Variants in LMO3 observed in about 807,000 individuals in gnomAD.
LMO3 encodes the protein LIM domain only 3.
LMO3 carries 2 observed loss-of-function variants against 15.8 expected under a neutral mutation model. The ratio of observed to expected loss-of-function variants is 0.13; its 90% CI spans 0.05 to 0.40. The LOEUF (loss-of-function observed/expected upper bound fraction) is 0.40, where lower values mean the gene tolerates loss of function less well. Ranked by LOEUF, LMO3 falls within the 10% of genes least tolerant of loss-of-function variation. LMO3 has a pLI of 0.99. For missense variants in LMO3, 86 were observed against 182.2 expected (o/e 0.47, Z 3.04); for synonymous variants, 62 against 63.8 (o/e 0.97, Z 0.13).
intron 3 of LMO3, among the ~76,000 whole-genome samples, chr12:16,552,594 TA>T: frequency 6.6e-6 from 1 of 152,132 alleles, no homozygotes; most frequent in South Asian, 2.1e-4. Flanking sequence ...AATAGTGTAA[TA>T]AAAAAAGTAG....
chr12:16,551,352 T>C (rs1565477658), intron 3 of LMO3, 25 bp from the exon 4 acceptor site: 11 of 1,356,770 alleles, frequency 8.1e-6, no homozygotes, highest in Non-Finnish European at 1.2e-5. Flanking sequence ...AACAATAAAA[T>C]GTGGTTAAGA....
intron 2 of LMO3, among the ~76,000 whole-genome samples, chr12:16,567,100 C>T (rs907995618): frequency 6.6e-6 from 1 of 151,956 alleles, no homozygotes; most frequent in Non-Finnish European, 1.5e-5. Flanking sequence ...GGAGGCTGAG[C>T]CAGGAGAATC....
intron 1 of LMO3, among the ~76,000 whole-genome samples, chr12:16,601,120 C>A (rs972114049): frequency 1.3e-5 from 2 of 152,080 alleles, no homozygotes; most frequent in Non-Finnish European, 2.9e-5. Flanking sequence ...GGTAAATTGA[C>A]ATTATAAATA....
rs560043721 is a variant in LMO3 at position 16,569,216 on chromosome 12, T to A, written c.207-8678A>T. Among the ~76,000 whole-genome samples the A allele has an allele frequency of 2.1e-4, 32 of 152,332 alleles. No homozygotes were observed. The East Asian group carries it at 4.6e-3, about 22-fold the overall frequency. ...TATCCCATGTCTACACACAAAACCTTACACAATTATTTAGTGTCAGAGCTA... is the reference window on the plus strand; with the variant it reads ...TATCCCATGTCTACACACAAAACCTAACACAATTATTTAGTGTCAGAGCTA... On this transcript the variant is annotated intron_variant, in intron 2 of 3. Transcript: ENST00000537304.
At chr12:16,566,917 C>A (rs151179348) in intron 2 of LMO3, among the ~76,000 whole-genome samples, 280 of 152,290 alleles carry the variant, frequency 1.8e-3, no homozygotes, top group African/African-American at 6.6e-3. Flanking sequence ...CAGTAAAAAA[C>A]TACCAAAAGC....
rs1368553690 is a variant in LMO3 at position 16,550,626 on chromosome 12, C to T, written c.*596G>A. ...TAACAAGAACACTGATAGACTCTAA[C>T]TCATAGCGGCAATAAGTAGTGGATG... On this transcript the variant is annotated 3_prime_UTR_variant, in exon 4 of 4. Coordinates refer to ENST00000537304, the MANE Select transcript of LMO3 (RefSeq NM_018640.5). 6.6e-6 allele frequency: 1 copy of T among 152,282 alleles called. No homozygotes were observed. The highest frequency in any genetic ancestry group is 1.5e-5 in the Non-Finnish European group (1 of 67,890). 9.4% of individuals were successfully genotyped at this position (152,282 alleles called of 1,614,324 possible).
At chr12:16,595,634 G>A (rs1943626542) in intron 2 of LMO3, among the ~76,000 whole-genome samples, 1 of 151,394 alleles carries the variant, frequency 6.6e-6, no homozygotes, top group Non-Finnish European at 1.5e-5. Context: ...TTTTTATAAA[G>A]CTGCAAATAA....
Position 16,585,946 on chromosome 12 carries a change from C to T in LMO3, c.206+14709G>A, listed in dbSNP as rs1032255102. Among the ~76,000 whole-genome samples, 1 of 152,112 alleles carries T rather than the reference C, an allele frequency of 6.6e-6. No individual in the cohort carries two copies. Among genetic ancestry groups the T allele is most frequent in the Admixed American group, 6.6e-5 (1 of 15,254 alleles). On this transcript the variant is annotated intron_variant, in intron 2 of 3. Coordinates refer to ENST00000537304, the MANE Select transcript of LMO3 (RefSeq NM_018640.5). This position sits in a 1 kb window ranked among gnomAD's most constrained non-coding sequence, Gnocchi z 4.7. ...ATCCTAAGATCTGGGCGACATTTCA[C>T]CAGTGAGGCGGTAGGACATTGTGTG...
At chr12:16,565,310 G>A (rs1942561611) in intron 2 of LMO3, among the ~76,000 whole-genome samples, 2 of 152,168 alleles carry the variant, frequency 1.3e-5, no homozygotes, top group African/African-American at 4.8e-5. Context: ...CAGATTGAAG[G>A]ACAATTGCTT....
At position 16,598,158 on chromosome 12, in the gene LMO3, C is replaced by G. The variant is rs1342593060; in HGVS notation, c.206+2497G>C. The G allele has an allele frequency of 1.3e-5, 2 of 151,878 alleles. No homozygotes were observed. The highest frequency in any genetic ancestry group is 1.3e-4 in the Admixed American group (2 of 15,230). The allele number at this position is 151,878 out of a possible 1,614,324, so 9.4% of individuals were successfully genotyped here. A position where few individuals can be genotyped will look rare whatever the true frequency, so the allele number is the denominator to read the frequency against. ...ACTATTTTAATTTGCCAATCAGAGA[C>G]ATATGCAGTTGAACATCTACACAAT... is the stretch of plus-strand genomic sequence containing the variant. On this transcript the variant is annotated intron_variant, in intron 2 of 3. Coordinates refer to ENST00000537304, the MANE Select transcript of LMO3 (RefSeq NM_018640.5). The surrounding 1 kb of genome is among the most constrained non-coding windows in gnomAD (Gnocchi z 4.3).
At position 16,587,165 on chromosome 12, in the gene LMO3, C is replaced by G. The variant is rs1591815027; in HGVS notation, c.206+13490G>C. Among the ~76,000 whole-genome samples, 2 of 152,156 alleles carry G rather than the reference C, an allele frequency of 1.3e-5. No individual in the cohort carries two copies. The highest frequency in any genetic ancestry group is 2.4e-5 in the African/African-American group (1 of 41,524). On this transcript the variant is annotated intron_variant, in intron 2 of 3. Coordinates refer to ENST00000537304, the MANE Select transcript of LMO3 (RefSeq NM_018640.5). The surrounding 1 kb of genome is among the most constrained non-coding windows in gnomAD (Gnocchi z 4.3). ...TATAGCAATTGTGGGTGCTGCTGAC[C>G]TGTCAATCTCAAATATATTCATAAG...
At chr12:16,571,041 A>C (rs1273718843) in intron 2 of LMO3, among the ~76,000 whole-genome samples, 1 of 152,132 alleles carries the variant, frequency 6.6e-6, no homozygotes, top group Non-Finnish European at 1.5e-5. Flanking sequence ...AATAATAATA[A>C]ATTTTAAAAA....
Position 16,584,392 on chromosome 12 carries a change from A to T in LMO3, c.206+16263T>A, listed in dbSNP as rs1427016260. ...GTAAGGCAACAGATGAAATTCAGTT[A>T]AAACAATATTTTGATGGGAAAGGCA... is the stretch of plus-strand genomic sequence containing the variant. On this transcript the variant is annotated intron_variant, in intron 2 of 3. Transcript: ENST00000537304. The surrounding 1 kb of genome is among the most constrained non-coding windows in gnomAD (Gnocchi z 5.2). 6.6e-6 allele frequency among the ~76,000 whole-genome samples: 1 copy of T among 152,212 alleles called. No individual in the cohort carries two copies. Among genetic ancestry groups the T allele is most frequent in the Non-Finnish European group, 1.5e-5 (1 of 68,044 alleles).
At position 16,551,231 on chromosome 12, in the gene LMO3, C is replaced by T; in HGVS notation, c.429G>A (p.Gln143=). 1 of 1,600,122 alleles carries T rather than the reference C, an allele frequency of 6.2e-7. No homozygotes were observed. Among genetic ancestry groups the T allele is most frequent in the Non-Finnish European group, 8.6e-7 (1 of 1,167,406 alleles). Residue 143 remains glutamine (Q), a synonymous_variant, in exon 4 of 4, where the codon CAG becomes CAA. Transcript: ENST00000537304. The part of the protein sequence containing the change: ...EGLMKEGYAP[Q]VR ...GGGTGATGTTGATAGATCAGCGAAC[C>T]TGGGGTGCATAACCTTCTTTCATTA...
intron 2 of LMO3, among the ~76,000 whole-genome samples, chr12:16,562,970 G>A (rs1057449675): frequency 6.6e-6 from 1 of 152,134 alleles, no homozygotes; most frequent in Non-Finnish European, 1.5e-5. Context: ...ATCATTAAAG[G>A]ACTCTTGAAG....
intron 1 of LMO3, chr12:16,605,429 C>G (rs1328859896): frequency 2.4e-5 from 21 of 874,674 alleles, no homozygotes; most frequent in Non-Finnish European, 2.8e-5. Context: ...TCTGCCCCTA[C>G]CCGCCTGCCC....
At chr12:16,573,494 T>C (rs1942890881) in intron 2 of LMO3, 1 of 152,158 alleles carries the variant, frequency 6.6e-6, no homozygotes, top group South Asian at 2.1e-4. Flanking sequence ...CTACTAGTTA[T>C]CTCTTTTTAC....
At chr12:16,609,666 A>C (rs2137765305), upstream of LMO3, 1 of 152,160 alleles carries the variant, frequency 6.6e-6, no homozygotes, top group South Asian at 2.1e-4. Context: ...TGAGGGGAAA[A>C]GGGGAGGGGA....
chr12:16,594,093 T>C (rs1286687302), intron 2 of LMO3: 1 of 1,521,484 alleles, frequency 6.6e-7, no homozygotes, highest in Admixed American at 2.0e-5. Flanking sequence ...ATTAACGAAT[T>C]AGCTGGCGTC....
Sources: allele counts gnomAD v4.1 joint callset (sites outside exome capture counted in the v4.1 genomes callset), GRCh38; gene constraint gnomAD v4.1.1; non-coding constraint Gnocchi (gnomAD v3.1); transcripts MANE v1.5; gene names NCBI Gene and HGNC (gene_info 2026-07-23, HGNC 2026-07-21).